Variants in MAN1A2 observed in about 807,000 individuals in gnomAD.
MAN1A2 encodes the protein mannosidase alpha class 1A member 2.
A neutral mutation model predicts 75.7 loss-of-function variants in MAN1A2; 26 were observed. That is an observed-to-expected ratio of 0.34 (90% CI 0.25 to 0.48). MAN1A2 has a LOEUF of 0.48. MAN1A2 is among the 20% of genes least tolerant of loss of function. MAN1A2 has a pLI of 0.99. For missense variants in MAN1A2, 562 were observed against 775.5 expected (o/e 0.72, Z 3.27); for synonymous variants, 247 against 264.6 (o/e 0.93, Z 0.65).
At chr1:117,480,796 C>G (rs147223545) in intron 8 of MAN1A2, among the ~76,000 whole-genome samples, 1 of 151,778 alleles carries the variant, frequency 6.6e-6, no homozygotes, top group Non-Finnish European at 1.5e-5. Context: ...CTTTCACTAC[C>G]CCATTGCCTA....
At chr1:117,400,043 A>G (rs148708081) in intron 1 of MAN1A2, among the ~76,000 whole-genome samples, 6 of 152,226 alleles carry the variant, frequency 3.9e-5, no homozygotes, top group African/African-American at 1.4e-4. Context: ...TGGATATCTT[A>G]TATAAGACTT....
intron 1 of MAN1A2, among the ~76,000 whole-genome samples, chr1:117,376,772 A>G (rs1394465587): frequency 6.6e-6 from 1 of 152,236 alleles, no homozygotes; most frequent in Non-Finnish European, 1.5e-5. Flanking sequence ...GAAAATATTC[A>G]GAAAAAGTTA....
intron 1 of MAN1A2, among the ~76,000 whole-genome samples, chr1:117,391,974 A>G (rs1229906904): frequency 6.6e-6 from 1 of 151,876 alleles, no homozygotes. Flanking sequence ...TCTTCTCTGT[A>G]TCTACTTTAA....
At chr1:117,409,070 A>G (rs1647720046) in intron 3 of MAN1A2, among the ~76,000 whole-genome samples, 3 of 152,016 alleles carry the variant, frequency 2.0e-5, no homozygotes, top group African/African-American at 7.2e-5. Context: ...TGATCTTTTC[A>G]AAGAAACAAC....
At chr1:117,371,588 A>G (rs1409605645) in intron 1 of MAN1A2, among the ~76,000 whole-genome samples, 1 of 152,162 alleles carries the variant, frequency 6.6e-6, no homozygotes, top group Non-Finnish European at 1.5e-5. Context: ...GGGTCAAAGC[A>G]GAAGACACAA....
intron 1 of MAN1A2, among the ~76,000 whole-genome samples, chr1:117,387,968 C>T (rs1196769396): frequency 3.3e-5 from 5 of 149,358 alleles, no homozygotes; most frequent in Admixed American, 6.7e-5. Context: ...CCCCACCCCC[C>T]GCCGTCATCT....
intron 12 of MAN1A2, among the ~76,000 whole-genome samples, chr1:117,511,975 T>C (rs1178571639): frequency 6.6e-6 from 1 of 152,116 alleles, no homozygotes; most frequent in African/African-American, 2.4e-5. Flanking sequence ...GAATAAAGGA[T>C]TGAATCATTT....
At position 117,498,063 on chromosome 1, in the gene MAN1A2, AG is replaced by A. The variant is rs139473257; in HGVS notation, c.1504+1084del. ...TTCTTCAGTTCTCATTAACTAAATAAGGGTTCCATTTCTTGAAAGAATATAA... is the reference window on the plus strand; with the variant it reads ...TTCTTCAGTTCTCATTAACTAAATAAGGTTCCATTTCTTGAAAGAATATAA... On this transcript the variant is annotated intron_variant, in intron 10 of 12. Coordinates refer to ENST00000356554, the MANE Select transcript of MAN1A2 (RefSeq NM_006699.5). Among the ~76,000 whole-genome samples, 617 of 152,030 alleles carry A rather than the reference AG, an allele frequency of 4.1e-3. 4 individuals carry two copies. Among genetic ancestry groups the A allele is most frequent in the African/African-American group, 0.014 (570 of 41,548 alleles).
chr1:117,453,509 G>A (rs924633610), intron 6 of MAN1A2, among the ~76,000 whole-genome samples: 1 of 152,148 alleles, frequency 6.6e-6, no homozygotes, highest in African/African-American at 2.4e-5. Context: ...TAGCTGTGGT[G>A]GAAATAGCAA....
rs546667147 is a variant in MAN1A2, at chr1:117,527,282, A to T, written c.*4325A>T. On this transcript the variant is annotated 3_prime_UTR_variant, in exon 13 of 13. Transcript: ENST00000356554. ...CGAAAACAGATAGAGATACTATGTA[A>T]AGAATGGGCGTAGCTATGTTCCAGG... 1 of 151,980 alleles carries T rather than the reference A, an allele frequency of 6.6e-6. No individual in the cohort carries two copies. Among genetic ancestry groups the T allele is most frequent in the Admixed American group, 6.6e-5 (1 of 15,232 alleles). 9.4% of individuals were successfully genotyped at this position (151,980 alleles called of 1,614,324 possible). A position where few individuals can be genotyped will look rare whatever the true frequency, so the allele number is the denominator to read the frequency against.
chr1:117,374,711 T>A (rs1653084594), intron 1 of MAN1A2, among the ~76,000 whole-genome samples: 1 of 152,228 alleles, frequency 6.6e-6, no homozygotes, highest in Admixed American at 6.5e-5. Context: ...TGCCTCGATG[T>A]TCTTATTTAT....
chr1:117,456,688 TATTTC>T (rs1649592053), intron 6 of MAN1A2, among the ~76,000 whole-genome samples: 1 of 152,050 alleles, frequency 6.6e-6, no homozygotes, highest in Admixed American at 6.5e-5. Flanking sequence ...AATGTTTAAA[TATTTC>T]AGACCAGATA....
intron 6 of MAN1A2, among the ~76,000 whole-genome samples, chr1:117,446,130 A>G (rs1649228890): frequency 6.6e-6 from 1 of 151,396 alleles, no homozygotes; most frequent in Middle Eastern, 3.4e-3. Context: ...ATTCTATAGC[A>G]ACAACCACTT....
At chr1:117,503,838 C>T (rs186951161) in intron 12 of MAN1A2, among the ~76,000 whole-genome samples, 3 of 151,454 alleles carry the variant, frequency 2.0e-5, no homozygotes, top group East Asian at 1.9e-4. Context: ...TAAAATGTAC[C>T]GTTCTCAAAC....
chr1:117,472,200 G>C (rs1021031227), intron 8 of MAN1A2, among the ~76,000 whole-genome samples: 3 of 151,712 alleles, frequency 2.0e-5, no homozygotes, highest in Non-Finnish European at 4.4e-5. Context: ...CCTTCTCTAT[G>C]TCCTCTTATC....
chr1:117,459,063 G>C (rs1649724986), intron 6 of MAN1A2, among the ~76,000 whole-genome samples: 1 of 152,116 alleles, frequency 6.6e-6, no homozygotes, highest in South Asian at 2.1e-4. Context: ...AGCTTGAGGG[G>C]CTGTGATCCT....
chr1:117,424,847 C>T (rs1041190958), intron 5 of MAN1A2, among the ~76,000 whole-genome samples: 2 of 152,122 alleles, frequency 1.3e-5, no homozygotes, highest in African/African-American at 4.8e-5. Context: ...ATCTTTTCCC[C>T]TTGACCCAAA....
At chr1:117,477,413 G>A (rs1557966949) in intron 8 of MAN1A2, among the ~76,000 whole-genome samples, 2 of 151,964 alleles carry the variant, frequency 1.3e-5, no homozygotes, top group Non-Finnish European at 2.9e-5. Context: ...ACCGAATCCA[G>A]CAGCACATCA....
rs1331880210 is a variant in MAN1A2, at chr1:117,429,563, G to A, written c.855+8914G>A. 7.3e-5 allele frequency among the ~76,000 whole-genome samples: 8 copies of A among 109,806 alleles called. No individual in the cohort carries two copies. In the East Asian group the frequency reaches 1.9e-3, roughly 27 times the overall value. 72.0% of individuals were successfully genotyped at this position (109,806 alleles called of 152,430 possible). On this transcript the variant is annotated intron_variant, in intron 5 of 12. Coordinates refer to ENST00000356554, the MANE Select transcript of MAN1A2 (RefSeq NM_006699.5). Reference sequence around the variant, plus strand: ...CCCCCACCTCCCTCCCGGACGGGGCGGCTGGCCGGGCGGGGGGCTGACCCC... The same window carrying A: ...CCCCCACCTCCCTCCCGGACGGGGCAGCTGGCCGGGCGGGGGGCTGACCCC...
Sources: allele counts gnomAD v4.1 joint callset (sites outside exome capture counted in the v4.1 genomes callset), GRCh38; gene constraint gnomAD v4.1.1; transcripts MANE v1.5; gene names NCBI Gene and HGNC (gene_info 2026-07-23, HGNC 2026-07-21).